ABCA13: variants seen among roughly 807,000 people sequenced by gnomAD.
ABCA13 encodes ATP binding cassette subfamily A member 13.
Under a neutral mutation model 478.7 loss-of-function variants are expected in ABCA13, and 476 were observed. That is an observed-to-expected ratio of 0.99 (90% CI 0.92 to 1.07). The LOEUF (loss-of-function observed/expected upper bound fraction) is 1.07. Ranked by LOEUF, ABCA13 falls within the 50% of genes least tolerant of loss-of-function variation. ABCA13 has a pLI of 0.00. For missense variants in ABCA13, 6,060 were observed against 5,910.6 expected, an observed-to-expected ratio of 1.03 and a Z score of -0.83; for synonymous variants, 2,252 against 2,158.9, an observed-to-expected ratio of 1.04 and a Z score of -1.20.
intron 42 of ABCA13, among the ~76,000 whole-genome samples, chr7:48,435,293 C>G (rs1007438846): frequency 6.6e-6 from 1 of 151,582 alleles, no homozygotes; most frequent in Non-Finnish European, 1.5e-5. Flanking sequence ...TTCTTAATTT[C>G]TGTTTTCAGA....
chr7:48,350,519 G>A (rs949085145), intron 29 of ABCA13, 124 bp from the exon 30 acceptor site: 1 of 1,224,934 alleles, frequency 8.2e-7, no homozygotes, highest in African/African-American at 1.5e-5. Context: ...ACTCTTTTGA[G>A]CAATTTTTTA....
At chr7:48,422,000 C>T (rs568470981) in intron 41 of ABCA13, among the ~76,000 whole-genome samples, 172 of 147,342 alleles carry the variant, frequency 1.2e-3, no homozygotes, top group African/African-American at 4.1e-3. Context: ...TGAACCTGCC[C>T]CACTTCAGCT....
At chr7:48,190,377 C>G (rs1796939369) in intron 1 of ABCA13, among the ~76,000 whole-genome samples, 1 of 152,136 alleles carries the variant, frequency 6.6e-6, no homozygotes, top group Non-Finnish European at 1.5e-5. Context: ...CTGTAATCAA[C>G]TATAATAGAG....
rs1826335860 is a variant in ABCA13 at position 48,462,335 on chromosome 7, G to A, written c.12816-4621G>A. Among the ~76,000 whole-genome samples, 8 of 152,000 alleles carry A rather than the reference G, an allele frequency of 5.3e-5. No homozygotes were observed. In the South Asian group the frequency reaches 1.7e-3, roughly 32 times the overall value. On this transcript the variant is annotated intron_variant, in intron 43 of 61. Coordinates refer to ENST00000435803, the MANE Select transcript of ABCA13 (RefSeq NM_152701.5). ...AGGGGGATTATTTTTGTAGCTTCCA[G>A]GTATGAAGTCTTATTTGGAGCAGTC... is the stretch of plus-strand genomic sequence containing the variant.
chr7:48,271,623 A>G (rs1055961368), intron 16 of ABCA13, among the ~76,000 whole-genome samples, 164 bp from the exon 17 acceptor site: 1 of 152,158 alleles, frequency 6.6e-6, no homozygotes, highest in Non-Finnish European at 1.5e-5. Flanking sequence ...CATTTCTAAA[A>G]CACTTTCAAA....
intron 15 of ABCA13, among the ~76,000 whole-genome samples, chr7:48,251,273 C>T (rs1792510719): frequency 6.6e-6 from 1 of 152,166 alleles, no homozygotes; most frequent in South Asian, 2.1e-4. Flanking sequence ...CAGAAACAGG[C>T]TACAGAGAGT....
chr7:48,389,088 G>T lies in ABCA13; in HGVS notation c.11522G>T (p.Gly3841Val), dbSNP rs749828938. Residue 3841 changes from glycine to valine, a missense_variant, in exon 37 of 62, where the codon GGA (glycine) becomes GTA (valine). This residue lies in a region of ABCA13 where 1,627 missense variants were observed against 1,571.0 expected (regional missense o/e 1.04). Transcript: ENST00000435803. Reference protein sequence around the residue: ...REGELEGSAPGVTLVSVTKEY... With the variant: ...REGELEGSAPVVTLVSVTKEY... ...GGAGAGCTTGAAGGAAGTGCCCCGG[G>T]AGTCACCCTGGTGTCTGTGACCAAG... is the stretch of plus-strand genomic sequence containing the variant. The T allele has an allele frequency of 1.2e-6, 2 of 1,613,776 alleles. No individual in the cohort carries two copies. The highest frequency in any genetic ancestry group is 2.7e-5 in the African/African-American group (2 of 74,900).
At chr7:48,517,299 G>A (rs1208231751) in intron 52 of ABCA13, among the ~76,000 whole-genome samples, 1 of 152,148 alleles carries the variant, frequency 6.6e-6, no homozygotes, top group Non-Finnish European at 1.5e-5. Context: ...ACACAACACA[G>A]CTGACCATGC....
chr7:48,590,358 A>G (rs1672629469), intron 57 of ABCA13, among the ~76,000 whole-genome samples: 1 of 152,122 alleles, frequency 6.6e-6, no homozygotes, highest in Non-Finnish European at 1.5e-5. Flanking sequence ...AGAGAGAGAG[A>G]CATACACATT....
intron 45 of ABCA13, 147 bp downstream of exon 45, chr7:48,471,746 T>C (rs10251517): frequency 0.15 from 112,077 of 738,044 alleles, 10,164 homozygotes; most frequent in African/African-American, 0.31. Context: ...GGAAAAGTTT[T>C]GTCACATAAA....
At chr7:48,368,687 G>GTATATATATATATATATATATATA (rs201820250) in intron 32 of ABCA13, among the ~76,000 whole-genome samples, 2 of 122,740 alleles carry the variant, frequency 1.6e-5, no homozygotes, top group African/African-American at 6.1e-5. Flanking sequence ...GTGTGTATGT[G>GTATATATATATATATATATATATA]TATATATATA....
chr7:48,289,995 A>G (rs1197389735), intron 20 of ABCA13, among the ~76,000 whole-genome samples: 2 of 152,244 alleles, frequency 1.3e-5, no homozygotes, highest in African/African-American at 2.4e-5. Flanking sequence ...AAAAAGCACA[A>G]TGCCATTTGC....
intron 28 of ABCA13, 46 bp from the exon 29 acceptor site, chr7:48,338,319 C>A (rs200139503): frequency 6.0e-6 from 8 of 1,344,050 alleles, no homozygotes; most frequent in African/African-American, 4.4e-5. Context: ...TTCAATAATA[C>A]GAAATAATGC....
At chr7:48,417,712 A>C (rs1820216405) in intron 41 of ABCA13, among the ~76,000 whole-genome samples, 1 of 151,936 alleles carries the variant, frequency 6.6e-6, no homozygotes, top group South Asian at 2.1e-4. Context: ...ATTAGGCTTC[A>C]CTCTTGCTGT....
At chr7:48,291,044 G>A (rs1473774019) in intron 20 of ABCA13, among the ~76,000 whole-genome samples, 1 of 151,850 alleles carries the variant, frequency 6.6e-6, no homozygotes, top group Non-Finnish European at 1.5e-5. Context: ...CATGTAGCTT[G>A]GAGTCTTGAG....
intron 59 of ABCA13, among the ~76,000 whole-genome samples, chr7:48,615,646 G>A (rs2131567796): frequency 6.6e-6 from 1 of 152,260 alleles, no homozygotes; most frequent in African/African-American, 2.4e-5. Flanking sequence ...TAGTGACATT[G>A]GTAGGGGTGA....
Position 48,343,609 on chromosome 7 carries a change from A to G in ABCA13, c.10204+5154A>G, listed in dbSNP as rs138209434. 5.9e-3 allele frequency among the ~76,000 whole-genome samples: 897 copies of G among 151,552 alleles called. 7 individuals carry two copies. The highest frequency in any genetic ancestry group is 7.5e-3 in the Non-Finnish European group (509 of 67,906). ...AGATTTTCTTTTTTTTTTAATTTCAATAGGGTTTTGGGGAGCAGGTGGTGG... is the reference window on the plus strand; with the variant it reads ...AGATTTTCTTTTTTTTTTAATTTCAGTAGGGTTTTGGGGAGCAGGTGGTGG... On this transcript the variant is annotated intron_variant, in intron 29 of 61. Coordinates refer to ENST00000435803, the MANE Select transcript of ABCA13 (RefSeq NM_152701.5).
At chr7:48,509,759 A>G (rs1165132976) in intron 50 of ABCA13, among the ~76,000 whole-genome samples, 4 of 152,146 alleles carry the variant, frequency 2.6e-5, no homozygotes, top group African/African-American at 7.2e-5. Flanking sequence ...TGTCCCCCCA[A>G]AATTCATGTT....
At chr7:48,379,907 A>G (rs1814084026) in intron 35 of ABCA13, among the ~76,000 whole-genome samples, 1 of 152,172 alleles carries the variant, frequency 6.6e-6, no homozygotes, top group African/African-American at 2.4e-5. Context: ...CAGAAGATCC[A>G]TTTTCTGTCT....
Sources: allele counts gnomAD v4.1 joint callset (sites outside exome capture counted in the v4.1 genomes callset), GRCh38; gene constraint gnomAD v4.1.1; regional missense constraint gnomAD v4.1.1; transcripts MANE v1.5; gene names NCBI Gene and HGNC (gene_info 2026-07-23, HGNC 2026-07-21).